XRCC2: variants seen among roughly 807,000 people sequenced by gnomAD.
XRCC2 encodes X-ray repair cross complementing 2, also known as DNA repair protein XRCC2.
Under a neutral mutation model 27.3 loss-of-function variants are expected in XRCC2, and 24 were observed. That is an observed-to-expected ratio of 0.88 (90% CI 0.64 to 1.24). The LOEUF is 1.24. Ranked by LOEUF, XRCC2 falls within the 50% of genes most tolerant of loss-of-function variation. The probability of loss-of-function intolerance (pLI) is 0.00; values close to 1 mark genes in which losing one functional copy is unlikely to be tolerated. For synonymous variants in XRCC2, 106 were observed against 115.4 expected (o/e 0.92, Z 0.52); for missense variants, 321 against 325.8 (o/e 0.99, Z 0.11).
At chr7:152,663,543 T>C (rs2098034268) in intron 1 of XRCC2, among the ~76,000 whole-genome samples, 2 of 152,066 alleles carry the variant, frequency 1.3e-5, no homozygotes, top group Non-Finnish European at 1.5e-5. Flanking sequence ...TCTTGCCTGA[T>C]AAAAGTGTCT....
intron 1 of XRCC2, among the ~76,000 whole-genome samples, chr7:152,672,003 T>A (rs958548561): frequency 6.6e-6 from 1 of 152,202 alleles, no homozygotes; most frequent in Non-Finnish European, 1.5e-5. Context: ...ATCGTGCCAC[T>A]GCTGTCCAGC....
At chr7:152,666,345 G>A (rs1255256648) in intron 1 of XRCC2, among the ~76,000 whole-genome samples, 1 of 151,942 alleles carries the variant, frequency 6.6e-6, no homozygotes, top group African/African-American at 2.4e-5. Context: ...CTGAGTAGCT[G>A]GGACCACAGG....
chr7:152,671,627 T>C (rs1217833322), intron 1 of XRCC2, among the ~76,000 whole-genome samples: 1 of 152,310 alleles, frequency 6.6e-6, no homozygotes, highest in African/African-American at 2.4e-5. Flanking sequence ...CACATAGTGA[T>C]GTCAAGATGA....
At position 152,676,119 on chromosome 7, in the gene XRCC2, G is replaced by T; in HGVS notation, c.-40C>A. The T allele has an allele frequency of 6.2e-7, 1 of 1,613,178 alleles. No individual in the cohort carries two copies. The highest frequency in any genetic ancestry group is 8.5e-7 in the Non-Finnish European group (1 of 1,179,566). ...GGCGCAGGAGAGACTCAACTTTCCC[G>T]CCACCAACGCCATTCACCAACTGCG... On this transcript the variant is annotated 5_prime_UTR_variant, in exon 1 of 3. Transcript: ENST00000359321.
chr7:152,660,370 G>A (rs1423823102), intron 2 of XRCC2, among the ~76,000 whole-genome samples: 2 of 152,092 alleles, frequency 1.3e-5, no homozygotes, highest in African/African-American at 4.8e-5. Flanking sequence ...ACTAACAAGT[G>A]GGTACCCAAG....
chr7:152,661,413 T>G (rs973237587), intron 1 of XRCC2, among the ~76,000 whole-genome samples: 1 of 152,146 alleles, frequency 6.6e-6, no homozygotes, highest in African/African-American at 2.4e-5. Context: ...CTGCCTTCAT[T>G]TGTCTGCCCC....
chr7:152,665,001 G>A (rs756379368), intron 1 of XRCC2, among the ~76,000 whole-genome samples: 3 of 152,014 alleles, frequency 2.0e-5, no homozygotes, highest in African/African-American at 4.8e-5. Context: ...TGCCCTACAC[G>A]AGCATGCACA....
intron 1 of XRCC2, among the ~76,000 whole-genome samples, chr7:152,674,937 A>T (rs1247547345): frequency 6.6e-6 from 1 of 151,652 alleles, no homozygotes; most frequent in Non-Finnish European, 1.5e-5. Flanking sequence ...TTTATCTATG[A>T]CTGCCTTCCC....
chr7:152,655,191 C>T (rs116808344), intron 2 of XRCC2, among the ~76,000 whole-genome samples: 103 of 152,170 alleles, frequency 6.8e-4, no homozygotes, highest in African/African-American at 2.4e-3. Context: ...ACAAATAGAA[C>T]GCTGTAAGGA....
chr7:152,670,519 T>C (rs563672395), intron 1 of XRCC2, among the ~76,000 whole-genome samples: 2 of 152,308 alleles, frequency 1.3e-5, no homozygotes, highest in South Asian at 4.1e-4. Flanking sequence ...CACATCCTTA[T>C]GACTACCATC....
chr7:152,652,549 A>G (rs190299441), intron 2 of XRCC2, among the ~76,000 whole-genome samples: 1 of 152,322 alleles, frequency 6.6e-6, no homozygotes, highest in East Asian at 1.9e-4. Context: ...TTTGCTCCTA[A>G]TAACACTGAG....
chr7:152,660,214 A>G (rs556076657), intron 2 of XRCC2, among the ~76,000 whole-genome samples: 151 of 152,314 alleles, frequency 9.9e-4, no homozygotes, highest in African/African-American at 3.5e-3. Context: ...CAGCTGTGGT[A>G]ACGGTTGCAC....
Position 152,660,770 on chromosome 7 carries a change from G to T in XRCC2, c.52C>A (p.Leu18Ile). Residue 18 changes from leucine (L) to isoleucine (I), a missense_variant, in exon 2 of 3, where the codon CTT (leucine) becomes ATT (isoleucine). Coordinates refer to ENST00000359321, the MANE Select transcript of XRCC2 (RefSeq NM_005431.2). Reference protein sequence around the residue: ...AESGTELLARLEGRSSLKEIE... With the variant: ...AESGTELLARIEGRSSLKEIE... ...TCTTTCAAGGAACTTCTACCTTCAAGTCGGGCAAGGAGCTTATAAAAGAAG... is the reference window on the plus strand; with the variant it reads ...TCTTTCAAGGAACTTCTACCTTCAATTCGGGCAAGGAGCTTATAAAAGAAG... The T allele has an allele frequency of 6.2e-7, 1 of 1,612,602 alleles. No homozygotes were observed. Among genetic ancestry groups the T allele is most frequent in the Non-Finnish European group, 8.5e-7 (1 of 1,179,438 alleles).
At chr7:152,653,878 T>G (rs2098029571) in intron 2 of XRCC2, among the ~76,000 whole-genome samples, 1 of 152,168 alleles carries the variant, frequency 6.6e-6, no homozygotes, top group South Asian at 2.1e-4. Flanking sequence ...AATGAAAATG[T>G]CCTACAGCCA....
intron 1 of XRCC2, among the ~76,000 whole-genome samples, chr7:152,673,899 T>C (rs1314521332): frequency 1.3e-5 from 2 of 151,880 alleles, no homozygotes; most frequent in Non-Finnish European, 2.9e-5. Context: ...AAATTTAAAG[T>C]AGTTTATTTC....
intron 1 of XRCC2, among the ~76,000 whole-genome samples, chr7:152,664,876 A>G (rs901315968): frequency 6.6e-6 from 1 of 152,148 alleles, no homozygotes; most frequent in African/African-American, 2.4e-5. Flanking sequence ...CAACTTCCTG[A>G]TAAGATCCTA....
chr7:152,657,862 T>C (rs930647742), intron 2 of XRCC2, among the ~76,000 whole-genome samples: 3 of 151,570 alleles, frequency 2.0e-5, no homozygotes, highest in Non-Finnish European at 4.4e-5. Flanking sequence ...AGAAAATATT[T>C]AACACAAAAG....
At chr7:152,667,103 T>C (rs3218430) in intron 1 of XRCC2, among the ~76,000 whole-genome samples, 2,021 of 151,974 alleles carry the variant, frequency 0.013, 43 homozygotes, top group African/African-American at 0.046. Flanking sequence ...CCTGGCAAAA[T>C]AGTACTCAAG....
In XRCC2 at chr7:152,648,893, T is replaced by C. The variant is rs993852259; in HGVS notation, c.592A>G (p.Ile198Val). 8 of 1,614,168 alleles carry C rather than the reference T, an allele frequency of 5.0e-6. No individual in the cohort carries two copies. The highest frequency in any genetic ancestry group is 3.3e-5 in the Admixed American group (2 of 60,008). Residue 198 changes from isoleucine (I) to valine (V), a missense_variant, in exon 3 of 3, where the codon ATA (isoleucine) becomes GTA (valine). Transcript: ENST00000359321. ...GATGAGCTCGAGGCTTTCTGCATTATAGTTTGTGTCGTTGCAAAAAGAACC... is the reference window on the plus strand; with the variant it reads ...GATGAGCTCGAGGCTTTCTGCATTACAGTTTGTGTCGTTGCAAAAAGAACC... Reference protein sequence around the residue: ...RLVLFATTQTIMQKASSSSEE... With the variant: ...RLVLFATTQTVMQKASSSSEE...
Sources: allele counts gnomAD v4.1 joint callset (sites outside exome capture counted in the v4.1 genomes callset), GRCh38; gene constraint gnomAD v4.1.1; transcripts MANE v1.5; gene names NCBI Gene and HGNC (gene_info 2026-07-23, HGNC 2026-07-21).